PAPLN: variants seen among roughly 807,000 people sequenced by gnomAD.
The protein encoded by PAPLN is papilin, proteoglycan like sulfated glycoprotein.
Under a neutral mutation model 159.0 loss-of-function variants are expected in PAPLN, and 146 were observed. The ratio of observed to expected loss-of-function variants is 0.92; its 90% confidence interval spans 0.80 to 1.05. PAPLN has a LOEUF of 1.05. PAPLN is among the 50% of genes least tolerant of loss of function. The pLI, the probability that PAPLN is intolerant of heterozygous loss-of-function variation, is 0.00. For missense variants in PAPLN, 1,720 were observed against 1,743.9 expected, an observed-to-expected ratio of 0.99 and a Z score of 0.24; for synonymous variants, 734 against 702.9, an observed-to-expected ratio of 1.04 and a Z score of -0.70.
intron 20 of PAPLN, 31 bp downstream of exon 20, chr14:73,263,813 A>G (rs753386672): frequency 2.2e-5 from 35 of 1,574,470 alleles, no homozygotes; most frequent in Non-Finnish European, 2.9e-5. Context: ...CTCCTCTGAC[A>G]GGTGTGACAG....
At chr14:73,270,500 G>C (rs1241204155) in intron 26 of PAPLN, among the ~76,000 whole-genome samples, 1 of 152,224 alleles carries the variant, frequency 6.6e-6, no homozygotes, top group Non-Finnish European at 1.5e-5. Flanking sequence ...CTAAGTGCCT[G>C]CCTGCACAAT....
intron 11 of PAPLN, chr14:73,253,286 T>G: frequency 7.5e-7 from 1 of 1,327,644 alleles, no homozygotes; most frequent in Non-Finnish European, 1.0e-6. Flanking sequence ...CGCTTGGCCT[T>G]GGTGGCAGCG....
At chr14:73,262,005 G>T (rs1886639281) in intron 18 of PAPLN, 1 of 262,858 alleles carries the variant, frequency 3.8e-6, no homozygotes, top group South Asian at 9.5e-5. Flanking sequence ...AGCAGGCAGG[G>T]TCACCCTCTG....
chr14:73,258,002 T>A (rs1886122820), intron 14 of PAPLN, among the ~76,000 whole-genome samples: 1 of 152,184 alleles, frequency 6.6e-6, no homozygotes, highest in Admixed American at 6.5e-5. Context: ...TGACCTCAAG[T>A]GATCCTCCTG....
intron 19 of PAPLN, 72 bp downstream of exon 19, chr14:73,262,899 C>T (rs1188451718): frequency 3.1e-6 from 4 of 1,299,262 alleles, no homozygotes; most frequent in Middle Eastern, 2.9e-4. Flanking sequence ...GAGCTAAACC[C>T]CTGAAGTCAG....
intron 16 of PAPLN, among the ~76,000 whole-genome samples, chr14:73,260,498 C>T (rs571253659): frequency 6.6e-6 from 1 of 152,160 alleles, no homozygotes; most frequent in African/African-American, 2.4e-5. Flanking sequence ...TGTGTTACGG[C>T]TGCCCTCCCT....
intron 2 of PAPLN, chr14:73,243,980 A>G (rs1222186987): frequency 2.0e-5 from 3 of 152,494 alleles, no homozygotes; most frequent in African/African-American, 7.2e-5. Flanking sequence ...CTGAAAGAGT[A>G]CAGGAGGAAG....
chr14:73,261,371 C>A, intron 18 of PAPLN, 77 bp downstream of exon 18: 2 of 1,531,006 alleles, frequency 1.3e-6, no homozygotes, highest in South Asian at 2.5e-5. Context: ...CACCCAGGAC[C>A]AAAGACCTTC....
At chr14:73,238,301 G>T (rs1212638891) in intron 1 of PAPLN, among the ~76,000 whole-genome samples, 1 of 152,220 alleles carries the variant, frequency 6.6e-6, no homozygotes, top group Non-Finnish European at 1.5e-5. Flanking sequence ...CGTTGAGGGC[G>T]CCCACCCTGC....
In PAPLN at chr14:73,272,687, C is replaced by T. The variant is rs776560027; in HGVS notation, c.*23C>T. On this transcript the variant is annotated 3_prime_UTR_variant, in exon 27 of 27. Coordinates refer to ENST00000644200, the MANE Select transcript of PAPLN (RefSeq NM_001365906.3). Reference sequence around the variant, plus strand: ...TAGGGATGAAGGCTAGTTCCAGCCCCAGTCCAAAATAGTTCATAGGGCTAG... The same window carrying T: ...TAGGGATGAAGGCTAGTTCCAGCCCTAGTCCAAAATAGTTCATAGGGCTAG... 2.0e-6 allele frequency: 3 copies of T among 1,533,840 alleles called. No individual in the cohort carries two copies. The highest frequency in any genetic ancestry group is 1.4e-5 in the African/African-American group (1 of 73,578).
intron 2 of PAPLN, 82 bp downstream of exon 2, chr14:73,239,914 C>G: frequency 6.8e-7 from 1 of 1,474,944 alleles, no homozygotes; most frequent in South Asian, 1.3e-5. Flanking sequence ...AGGCAACGTC[C>G]CCAGGAAAGG....
In PAPLN at chr14:73,241,937, C is replaced by CAGGTGGGAGTTGAAGGAGGCAT. The variant is rs541995019; in HGVS notation, c.54+2106_54+2127dup. On this transcript the variant is annotated intron_variant, in intron 2 of 26. Transcript: ENST00000644200. ...AGGAAAGGGGACCCCTGAGTGGCTC[C>CAGGTGGGAGTTGAAGGAGGCAT]AGGTGGGAGTTGAAGGAGGCATGGG... is the stretch of plus-strand genomic sequence containing the variant. 2.0e-4 allele frequency among the ~76,000 whole-genome samples: 30 copies of CAGGTGGGAGTTGAAGGAGGCAT among 152,338 alleles called. No homozygotes were observed. In the South Asian group the frequency reaches 6.0e-3, roughly 30 times the overall value.
chr14:73,249,819 T>C (rs1885033359), intron 5 of PAPLN, 165 bp from the exon 6 acceptor site: 6 of 629,662 alleles, frequency 9.5e-6, no homozygotes, highest in Non-Finnish European at 1.4e-5. Context: ...AACAGATTCA[T>C]GGAGACGGTC....
intron 13 of PAPLN, 36 bp from the exon 14 acceptor site, chr14:73,254,841 C>T (rs754267132): frequency 3.1e-6 from 5 of 1,606,920 alleles, no homozygotes; most frequent in Non-Finnish European, 3.4e-6. Context: ...CAGCCTCGCC[C>T]TCAGCATCTC....
At chr14:73,250,154 T>C in intron 6 of PAPLN, 40 bp downstream of exon 6, 1 of 1,560,728 alleles carries the variant, frequency 6.4e-7, no homozygotes, top group Non-Finnish European at 8.7e-7. Context: ...CCGGGCTGCC[T>C]GGGGGCTCAG....
Position 73,252,699 on chromosome 14 carries a change from G to T in PAPLN, c.1018G>T (p.Asp340Tyr), listed in dbSNP as rs76804017. The T allele has an allele frequency of 6.2e-7, 1 of 1,613,400 alleles. No homozygotes were observed. Residue 340 changes from aspartate (D) to tyrosine (Y), a missense_variant, in exon 11 of 27, where the codon GAC (aspartate) becomes TAC (tyrosine). Transcript: ENST00000644200. ...CACCATCGACCATGAGGCCTACCCC[G>T]ACCACATGTGCCAGCGCCAGCCACG... ...FCTIDHEAYP[D>Y]HMCQRQPRPA...
rs190332222 is a variant in PAPLN at position 73,261,312 on chromosome 14, C to G, written c.2245+18C>G. 3,187 of 1,611,250 alleles carry G rather than the reference C, an allele frequency of 2.0e-3. 5 individuals carry two copies. The highest frequency in any genetic ancestry group is 2.3e-3 in the Non-Finnish European group (2,692 of 1,178,838). The stretch of plus-strand genomic sequence containing the variant: ...CAGCCATGGTGAGTGGACACCCCCT[C>G]TCCTCCTTCTCGATGGGTAGACTCT... On this transcript the variant is annotated intron_variant, in intron 18 of 26. Coordinates refer to ENST00000644200, the MANE Select transcript of PAPLN (RefSeq NM_001365906.3).
At chr14:73,263,920 G>GC (rs777847727) in intron 20 of PAPLN, 138 bp downstream of exon 20, 20 of 1,199,082 alleles carry the variant, frequency 1.7e-5, no homozygotes, top group Admixed American at 1.5e-4. Flanking sequence ...GTGTGTGACA[G>GC]CCCCCCTACC....
chr14:73,253,102 G>GC, intron 11 of PAPLN: 1 of 1,404,988 alleles, frequency 7.1e-7, no homozygotes, highest in East Asian at 3.6e-5. Context: ...CAAGGGGTGG[G>GC]CCAGGGGTCA....
Sources: allele counts gnomAD v4.1 joint callset (sites outside exome capture counted in the v4.1 genomes callset), GRCh38; gene constraint gnomAD v4.1.1; transcripts MANE v1.5; gene names NCBI Gene and HGNC (gene_info 2026-07-23, HGNC 2026-07-21).